MRTFA: variants seen among roughly 807,000 people sequenced by gnomAD.
MRTFA encodes the protein myocardin related transcription factor A, also known as myocardin-related transcription factor A.
A neutral mutation model predicts 83.5 loss-of-function variants in MRTFA; 20 were observed. That is an observed-to-expected ratio of 0.24 (90% CI 0.17 to 0.35). The LOEUF (loss-of-function observed/expected upper bound fraction) is 0.35, where lower values mean the gene tolerates loss of function less well. MRTFA is among the 10% of genes least tolerant of loss of function. The pLI is 1.00. For missense variants in MRTFA, 1,200 were observed against 1,224.7 expected (o/e 0.98, Z 0.30); for synonymous variants, 659 against 541.2 (o/e 1.22, Z -3.02).
intron 3 of MRTFA, among the ~76,000 whole-genome samples, chr22:40,503,877 G>A (rs374394254): frequency 1.4e-4 from 21 of 152,012 alleles, no homozygotes; most frequent in East Asian, 5.8e-4. Flanking sequence ...AGCTGAGATC[G>A]TGCCACTGCA....
intron 1 of MRTFA, among the ~76,000 whole-genome samples, chr22:40,630,288 C>T (rs1236527228): frequency 6.6e-6 from 1 of 151,876 alleles, no homozygotes; most frequent in Non-Finnish European, 1.5e-5. Flanking sequence ...TGTGCTCTAC[C>T]CTAGGCAAGA....
At chr22:40,457,484 AAGAAGGAAAGAAAGAAAG>A (rs2053614417) in intron 4 of MRTFA, among the ~76,000 whole-genome samples, 1 of 134,164 alleles carries the variant, frequency 7.5e-6, no homozygotes, top group Non-Finnish European at 1.7e-5. Flanking sequence ...GAAAGAAAGA[AAGAAGGAAAGAAAGAAAG>A]AGAAAGAAAG....
At chr22:40,451,974 GGTTTTTTTTTTTT>G (rs1449466490) in intron 4 of MRTFA, among the ~76,000 whole-genome samples, 2 of 39,568 alleles carry the variant, frequency 5.1e-5, no homozygotes, top group East Asian at 5.1e-4. Context: ...TTTTTTTTTT[GGTTTTTTTTTTTT>G]TTTTTTTTTT....
chr22:40,553,506 G>A (rs145420114), intron 2 of MRTFA, among the ~76,000 whole-genome samples: 5 of 152,160 alleles, frequency 3.3e-5, no homozygotes, highest in Non-Finnish European at 7.4e-5. Context: ...CTGAGGCTTC[G>A]AAGCGTGCAA....
chr22:40,519,392 T>C (rs2054821283), intron 3 of MRTFA: 1 of 1,308,304 alleles, frequency 7.6e-7, no homozygotes, highest in African/African-American at 1.5e-5. Flanking sequence ...TAATATTTCA[T>C]TTAGTCAGCT....
Position 40,416,862 on chromosome 22 carries a change from T to TC in MRTFA, c.2578+123dup, listed in dbSNP as rs1426726912. The TC allele has an allele frequency of 4.0e-5, 36 of 900,156 alleles. No individual in the cohort carries two copies. The highest frequency in any genetic ancestry group is 4.3e-5 in the Non-Finnish European group (25 of 580,018). 55.8% of individuals were successfully genotyped at this position (900,156 alleles called of 1,614,324 possible). A position where few individuals can be genotyped will look rare whatever the true frequency, so the allele number is the denominator to read the frequency against. ...GGGAGGGCTCACAGCCACCACTGCA[T>TC]CCACAGTGCTTGCCCAAGACTGGTC... On this transcript the variant is annotated intron_variant, in intron 14 of 14. Coordinates refer to ENST00000355630, the MANE Select transcript of MRTFA (RefSeq NM_020831.6). The surrounding 1 kb of genome is among the most constrained non-coding windows in gnomAD (Gnocchi z 4.2).
chr22:40,411,993 G>A (rs545878075), intron 14 of MRTFA, 86 bp from the exon 15 acceptor site: 15 of 1,156,534 alleles, frequency 1.3e-5, no homozygotes, highest in East Asian at 5.5e-5. Flanking sequence ...ACCCCCCAAC[G>A]TCACACCATT....
At chr22:40,447,693 TC>T (rs1180879178) in intron 4 of MRTFA, among the ~76,000 whole-genome samples, 1 of 152,208 alleles carries the variant, frequency 6.6e-6, no homozygotes, top group African/African-American at 2.4e-5. Flanking sequence ...CTCCTTGTTT[TC>T]CCCAATAACC....
intron 4 of MRTFA, among the ~76,000 whole-genome samples, chr22:40,442,175 T>C (rs2053289633): frequency 6.6e-6 from 1 of 152,238 alleles, no homozygotes; most frequent in Non-Finnish European, 1.5e-5. Flanking sequence ...CATTTCCTCA[T>C]CACTATCATG....
intron 4 of MRTFA, among the ~76,000 whole-genome samples, chr22:40,459,814 C>CATATAT (rs1265352276): frequency 9.4e-6 from 1 of 106,224 alleles, no homozygotes; most frequent in Non-Finnish European, 1.8e-5. Flanking sequence ...CACACACACA[C>CATATAT]ACACACACAT....
intron 3 of MRTFA, among the ~76,000 whole-genome samples, chr22:40,480,830 C>G (rs188107884): frequency 0.018 from 2,603 of 148,424 alleles, 31 homozygotes; most frequent in Non-Finnish European, 0.028. Flanking sequence ...CTCACTGCAA[C>G]CTCCGCCTCC....
intron 3 of MRTFA, among the ~76,000 whole-genome samples, chr22:40,542,396 G>C (rs559333531): frequency 1.3e-5 from 2 of 152,240 alleles, no homozygotes; most frequent in African/African-American, 2.4e-5. Context: ...AATTACCAAA[G>C]TTTGTAACCA....
chr22:40,535,502 G>T (rs1180368672), intron 3 of MRTFA, among the ~76,000 whole-genome samples: 1 of 151,818 alleles, frequency 6.6e-6, no homozygotes, highest in Non-Finnish European at 1.5e-5. Context: ...ACAGGCATAT[G>T]CCACCACACC....
At chr22:40,508,782 C>A (rs2054622361) in intron 3 of MRTFA, among the ~76,000 whole-genome samples, 1 of 150,144 alleles carries the variant, frequency 6.7e-6, no homozygotes, top group Admixed American at 6.6e-5. Context: ...ATTTTGGAGG[C>A]CAAAACAGGA....
chr22:40,603,523 A>G (rs962273748), intron 1 of MRTFA, among the ~76,000 whole-genome samples: 13 of 152,156 alleles, frequency 8.5e-5, no homozygotes, highest in Admixed American at 8.5e-4. Context: ...ATAGTGAGTC[A>G]GGTCTTGGGA....
rs200779719 is a variant in MRTFA, at chr22:40,498,252, C to CATATATATAT, written c.242-34976_242-34967dup. ...TTTCCACAGTTAACGGTACACACTTCATATATATATATATATATATATTTT... is the reference window on the plus strand; with the variant it reads ...TTTCCACAGTTAACGGTACACACTTCATATATATATATATATATATATATATATATATTTT... On this transcript the variant is annotated intron_variant, in intron 3 of 14. Transcript: ENST00000355630. Among the ~76,000 whole-genome samples the CATATATATAT allele has an allele frequency of 2.1e-3, 160 of 77,532 alleles. 3 individuals carry two copies. Among genetic ancestry groups the CATATATATAT allele is most frequent in the Middle Eastern group, 8.2e-3 (1 of 122 alleles). 50.9% of individuals were successfully genotyped at this position (77,532 alleles called of 152,430 possible).
At chr22:40,512,723 T>A (rs906458476) in intron 3 of MRTFA, among the ~76,000 whole-genome samples, 4 of 152,250 alleles carry the variant, frequency 2.6e-5, no homozygotes, top group Non-Finnish European at 5.9e-5. Context: ...TGAGGTTTTG[T>A]GGAGCTGATG....
At chr22:40,498,245 C>T (rs990853744) in intron 3 of MRTFA, among the ~76,000 whole-genome samples, 2 of 127,042 alleles carry the variant, frequency 1.6e-5, no homozygotes, top group African/African-American at 5.8e-5. Context: ...GTTAACGGTA[C>T]ACACTTCATA....
At chr22:40,571,413 A>AT (rs1461857064) in intron 2 of MRTFA, among the ~76,000 whole-genome samples, 1 of 152,192 alleles carries the variant, frequency 6.6e-6, no homozygotes, top group Non-Finnish European at 1.5e-5. Flanking sequence ...AAAAAACTAG[A>AT]TAAACAGGAG....
Sources: allele counts gnomAD v4.1 joint callset (sites outside exome capture counted in the v4.1 genomes callset), GRCh38; gene constraint gnomAD v4.1.1; non-coding constraint Gnocchi (gnomAD v3.1); transcripts MANE v1.5; gene names NCBI Gene and HGNC (gene_info 2026-07-23, HGNC 2026-07-21).